Variants in PTPRN2 observed in about 807,000 individuals in gnomAD.
PTPRN2 encodes receptor-type tyrosine-protein phosphatase N2.
A neutral mutation model predicts 118.8 loss-of-function variants in PTPRN2; 74 were observed. The observed-to-expected ratio is 0.62, with a 90% CI of 0.52 to 0.76. The LOEUF is 0.76. Ranked by LOEUF, PTPRN2 falls within the 30% of genes least tolerant of loss-of-function variation. PTPRN2 has a pLI of 0.00. For synonymous variants in PTPRN2, 641 were observed against 608.0 expected (o/e 1.05, Z -0.80); for missense variants, 1,481 against 1,394.4 (o/e 1.06, Z -0.99).
At chr7:157,640,244 A>T (rs576362883) in intron 14 of PTPRN2, among the ~76,000 whole-genome samples, 1 of 152,362 alleles carries the variant, frequency 6.6e-6, no homozygotes, top group African/African-American at 2.4e-5. Flanking sequence ...TCTGAAAAAG[A>T]ACAAAATAGA....
chr7:157,674,302 C>T lies in PTPRN2; in HGVS notation c.2001+8423G>A, dbSNP rs773552976. On this transcript the variant is annotated intron_variant, in intron 13 of 22. Coordinates refer to ENST00000389418, the MANE Select transcript of PTPRN2 (RefSeq NM_002847.5). The surrounding 1 kb of genome is among the most constrained non-coding windows in gnomAD (Gnocchi z 4.5). ...GTCCTGTGGAGGCCTCCCCAGGAGG[C>T]GAGGGTGGGGGGACTCCTGCTGGAG... Among the ~76,000 whole-genome samples the T allele has an allele frequency of 6.6e-5, 10 of 152,116 alleles. No individual in the cohort carries two copies. The highest frequency in any genetic ancestry group is 1.3e-4 in the Admixed American group (2 of 15,274).
intron 2 of PTPRN2, among the ~76,000 whole-genome samples, chr7:158,334,626 G>A (rs1412962355): frequency 2.9e-5 from 3 of 102,452 alleles, no homozygotes; most frequent in South Asian, 4.0e-4. Context: ...GCCCGCAGAC[G>A]TCACTCACAC....
Position 158,001,238 on chromosome 7 carries a change from G to A in PTPRN2, c.1723+80060C>T, listed in dbSNP as rs373734534. Among the ~76,000 whole-genome samples the A allele has an allele frequency of 5.7e-4, 86 of 151,176 alleles. No homozygotes were observed. In the East Asian group the frequency reaches 0.014, roughly 25 times the overall value. On this transcript the variant is annotated intron_variant, in intron 11 of 22. Transcript: ENST00000389418. ...GAAGGGTGGGGGCTGGGATCTGGCC[G>A]TAGGTGGGGTACAGGGTGGGGCTGA... is the stretch of plus-strand genomic sequence containing the variant.
intron 1 of PTPRN2, chr7:158,541,897 T>C (rs1826004999): frequency 4.4e-6 from 1 of 227,556 alleles, no homozygotes; most frequent in Non-Finnish European, 7.3e-6. Context: ...ATGAGGCTTG[T>C]TAAGTCTGTT....
chr7:158,120,822 GC>G (rs1295078969), intron 9 of PTPRN2, among the ~76,000 whole-genome samples: 1 of 152,122 alleles, frequency 6.6e-6, no homozygotes, highest in East Asian at 1.9e-4. Flanking sequence ...CAGATGTTGG[GC>G]CAGAAGGGAG....
chr7:158,132,890 C>T (rs879507957), intron 9 of PTPRN2, among the ~76,000 whole-genome samples: 17 of 152,296 alleles, frequency 1.1e-4, no homozygotes, highest in Non-Finnish European at 2.5e-4. Flanking sequence ...CACATACAAA[C>T]GTGTGGGTGT....
chr7:157,740,270 G>C (rs1354586903), intron 12 of PTPRN2: 2 of 152,230 alleles, frequency 1.3e-5, no homozygotes, highest in Non-Finnish European at 2.9e-5. Context: ...GTTCCTGTAG[G>C]GCACAGAACA....
At chr7:158,582,796 CAAAAAAAAAA>C (rs1156687117) in intron 1 of PTPRN2, among the ~76,000 whole-genome samples, 4 of 44,296 alleles carry the variant, frequency 9.0e-5, no homozygotes, top group East Asian at 1.1e-3. Context: ...GACTCCATCT[CAAAAAAAAAA>C]AAAAAAAAAA....
Position 158,355,526 on chromosome 7 carries a change from A to G in PTPRN2, c.164-38594T>C, listed in dbSNP as rs139026284. 6.8e-3 allele frequency among the ~76,000 whole-genome samples: 1,033 copies of G among 152,370 alleles called. 7 individuals are homozygous for G. Among genetic ancestry groups the G allele is most frequent in the Non-Finnish European group, 0.011 (741 of 68,046 alleles). On this transcript the variant is annotated intron_variant, in intron 2 of 22. Coordinates refer to ENST00000389418, the MANE Select transcript of PTPRN2 (RefSeq NM_002847.5). ...AACTGAGGAAATGCAACTGCAGTGCAGCCCTGCAATGGGCTGGCCACCAGC... is the reference window on the plus strand; with the variant it reads ...AACTGAGGAAATGCAACTGCAGTGCGGCCCTGCAATGGGCTGGCCACCAGC...
At chr7:158,333,784 A>T (rs1363678147) in intron 2 of PTPRN2, among the ~76,000 whole-genome samples, 1 of 145,360 alleles carries the variant, frequency 6.9e-6, no homozygotes. Flanking sequence ...ACTCACACAC[A>T]CACTCTCACC....
chr7:158,150,962 C>G (rs1352572853), intron 6 of PTPRN2, among the ~76,000 whole-genome samples: 2 of 151,952 alleles, frequency 1.3e-5, no homozygotes, highest in Non-Finnish European at 2.9e-5. Context: ...TGCATCCCAC[C>G]CTGCTTACAG....
At chr7:158,345,526 T>C (rs184517222) in intron 2 of PTPRN2, among the ~76,000 whole-genome samples, 28 of 152,094 alleles carry the variant, frequency 1.8e-4, no homozygotes, top group African/African-American at 6.3e-4. Flanking sequence ...GACAGGGTCT[T>C]CCACCCCCGT....
At chr7:158,370,212 C>T (rs1295761190) in intron 2 of PTPRN2, among the ~76,000 whole-genome samples, 1 of 151,258 alleles carries the variant, frequency 6.6e-6, no homozygotes, top group Non-Finnish European at 1.5e-5. Context: ...CCGAGGCACA[C>T]CGATCACCTG....
intron 21 of PTPRN2, among the ~76,000 whole-genome samples, chr7:157,564,364 C>G (rs962940172): frequency 1.3e-5 from 2 of 152,208 alleles, no homozygotes; most frequent in Non-Finnish European, 2.9e-5. Flanking sequence ...GGTGATCCAC[C>G]CGCCTTGGCC....
chr7:158,457,412 A>G (rs1055099222), intron 2 of PTPRN2, among the ~76,000 whole-genome samples: 5 of 152,242 alleles, frequency 3.3e-5, no homozygotes, highest in Admixed American at 6.5e-5. Flanking sequence ...AGACACCACT[A>G]GCCCTGAAAG....
chr7:157,812,087 C>T (rs749758734), intron 12 of PTPRN2, among the ~76,000 whole-genome samples: 2 of 152,180 alleles, frequency 1.3e-5, no homozygotes, highest in Admixed American at 6.5e-5. Context: ...TGGCCGGGCT[C>T]CCCTTATCAA....
chr7:158,052,291 T>A lies in PTPRN2; in HGVS notation c.1723+29007A>T, dbSNP rs145142127. Among the ~76,000 whole-genome samples the A allele has an allele frequency of 3.6e-3, 547 of 152,364 alleles. 3 individuals are homozygous for A. Among genetic ancestry groups the A allele is most frequent in the African/African-American group, 0.013 (527 of 41,594 alleles). On this transcript the variant is annotated intron_variant, in intron 11 of 22. Coordinates refer to ENST00000389418, the MANE Select transcript of PTPRN2 (RefSeq NM_002847.5). ...ATTCATTTGTTGATTGGTTTCCGAC[T>A]TCCTCTTAGAAGGGAGTGAAGAAAC...
intron 2 of PTPRN2, among the ~76,000 whole-genome samples, chr7:158,330,982 CTCACCATAAGAG>C: frequency 8.3e-6 from 1 of 120,330 alleles, no homozygotes; most frequent in African/African-American, 3.1e-5. Flanking sequence ...CACCCACACT[CTCACCATAAGAG>C]CTGACACCCG....
chr7:158,383,957 G>A (rs948568553), intron 2 of PTPRN2, among the ~76,000 whole-genome samples: 2 of 152,200 alleles, frequency 1.3e-5, no homozygotes, highest in African/African-American at 4.8e-5. Context: ...CTTTTCACTT[G>A]AGTCCTTGGC....
Sources: gnomAD v4.1 joint callset for allele counts (sites outside exome capture counted in the v4.1 genomes callset) on GRCh38, gnomAD v4.1.1 for gene constraint, Gnocchi (gnomAD v3.1) non-coding constraint, MANE v1.5 for transcripts, NCBI Gene and HGNC (gene_info 2026-07-23, HGNC 2026-07-21) for gene names.